Variants in SLIT1 observed in about 807,000 individuals in gnomAD.
SLIT1 encodes slit homolog 1 protein.
SLIT1 carries 66 observed loss-of-function variants against 186.1 expected under a neutral mutation model. The observed-to-expected ratio is 0.35, with a 90% CI of 0.29 to 0.44. SLIT1 has a LOEUF of 0.44. Ranked by LOEUF, SLIT1 falls within the 20% of genes least tolerant of loss-of-function variation. The pLI, the probability that SLIT1 is intolerant of heterozygous loss-of-function variation, is 1.00. For synonymous variants in SLIT1, 761 were observed against 833.8 expected (o/e 0.91, Z 1.50); for missense variants, 1,638 against 2,037.4 (o/e 0.80, Z 3.77).
At chr10:97,100,934 G>C (rs958082701) in intron 4 of SLIT1, among the ~76,000 whole-genome samples, 1 of 152,170 alleles carries the variant, frequency 6.6e-6, no homozygotes, top group Non-Finnish European at 1.5e-5. Flanking sequence ...CGGTGCAGAC[G>C]CAGGCCGGTT....
At chr10:97,048,017 A>G in intron 14 of SLIT1, 21 bp from the exon 15 acceptor site, 1 of 1,613,952 alleles carries the variant, frequency 6.2e-7, no homozygotes, top group Non-Finnish European at 8.5e-7. Flanking sequence ...AAGCAGAAAT[A>G]CCATAATGCA....
At chr10:97,173,017 A>C (rs1321588290) in intron 1 of SLIT1, among the ~76,000 whole-genome samples, 3 of 152,194 alleles carry the variant, frequency 2.0e-5, no homozygotes, top group Non-Finnish European at 4.4e-5. Flanking sequence ...ACATCACCCC[A>C]AAAAAGCTCC....
intron 28 of SLIT1, among the ~76,000 whole-genome samples, chr10:97,018,348 A>G (rs544629406): frequency 1.6e-4 from 24 of 152,334 alleles, no homozygotes; most frequent in African/African-American, 5.1e-4. Context: ...TGTGCGGCTT[A>G]GGTATCCACT....
At chr10:97,093,136 T>C (rs12782356) in intron 4 of SLIT1, among the ~76,000 whole-genome samples, 26,979 of 152,104 alleles carry the variant, frequency 0.18, 2,721 homozygotes, top group African/African-American at 0.28. Context: ...TGTAAGGTGG[T>C]GTGAGAAGAG....
At chr10:97,034,438 G>T in intron 23 of SLIT1, 33 bp downstream of exon 23, 1 of 1,567,628 alleles carries the variant, frequency 6.4e-7, no homozygotes, top group Non-Finnish European at 8.8e-7. Context: ...CCATGGCCCC[G>T]GGGCCCCCCA....
At chr10:97,008,505 G>A (rs994012625) in intron 31 of SLIT1, among the ~76,000 whole-genome samples, 2 of 152,140 alleles carry the variant, frequency 1.3e-5, no homozygotes, top group South Asian at 2.1e-4. Context: ...GACCAGCCTG[G>A]CTAACATGGT....
intron 4 of SLIT1, among the ~76,000 whole-genome samples, chr10:97,098,206 A>C (rs1849311422): frequency 6.6e-6 from 1 of 152,186 alleles, no homozygotes; most frequent in African/African-American, 2.4e-5. Flanking sequence ...AATCCTGAGA[A>C]AACAGTGACC....
At chr10:97,128,162 CTT>C (rs1564682499) in intron 4 of SLIT1, among the ~76,000 whole-genome samples, 2 of 152,136 alleles carry the variant, frequency 1.3e-5, no homozygotes, top group Non-Finnish European at 2.9e-5. Flanking sequence ...CCCTGGCCCT[CTT>C]CTCCCCTCCT....
chr10:97,041,305 C>T (rs139971296), intron 20 of SLIT1, among the ~76,000 whole-genome samples: 10 of 152,252 alleles, frequency 6.6e-5, no homozygotes, highest in East Asian at 5.8e-4. Context: ...TTCCAGATAG[C>T]GGTCCATCCT....
rs1268370434 is a variant in SLIT1, at chr10:97,040,115, C to T, written c.2170G>A (p.Glu724Lys). 5.1e-6 allele frequency: 8 copies of T among 1,573,756 alleles called. No individual in the cohort carries two copies. Among genetic ancestry groups the T allele is most frequent in the African/African-American group, 1.4e-5 (1 of 73,732 alleles). ...FPDFRCEEGQ[E>K]EGGCLPRPQC... Reference sequence around the variant, plus strand: ...GGGCGGGGCAGGCAGCCCCCCTCCTCCTGGCCTAGGGAAGAAGGCACGAAG... The same window carrying T: ...GGGCGGGGCAGGCAGCCCCCCTCCTTCTGGCCTAGGGAAGAAGGCACGAAG... The change falls in exon 21 of 37, where the codon GAG (glutamate) becomes AAG (lysine). Residue 724 changes from glutamate to lysine, a missense_variant. By Grantham distance (56) the Glu-to-Lys change is moderately conservative (BLOSUM62 1). Coordinates refer to ENST00000266058, the MANE Select transcript of SLIT1 (RefSeq NM_003061.3).
chr10:97,064,269 AC>A (rs1474198396), intron 6 of SLIT1, 30 bp from the exon 7 acceptor site: 1 of 1,589,816 alleles, frequency 6.3e-7, no homozygotes, highest in African/African-American at 1.3e-5. Flanking sequence ...GTCATTTAGC[AC>A]CTGCCCAGCA....
intron 4 of SLIT1, among the ~76,000 whole-genome samples, chr10:97,097,088 G>A (rs372904112): frequency 2.6e-5 from 4 of 152,194 alleles, no homozygotes; most frequent in East Asian, 3.9e-4. Context: ...CCCTGCCTCC[G>A]GGCTCCTCAC....
intron 3 of SLIT1, among the ~76,000 whole-genome samples, chr10:97,159,083 G>A (rs1487502645): frequency 6.6e-6 from 1 of 152,188 alleles, no homozygotes; most frequent in East Asian, 1.9e-4. Context: ...GGGTGTCTGA[G>A]GGGTCTTAGA....
intron 4 of SLIT1, among the ~76,000 whole-genome samples, chr10:97,156,866 C>A (rs1849958472): frequency 6.6e-6 from 1 of 152,108 alleles, no homozygotes; most frequent in African/African-American, 2.4e-5. Flanking sequence ...AGGGACGAAC[C>A]AGTAGTGCTG....
chr10:97,048,788 C>T (rs910589304), intron 14 of SLIT1, among the ~76,000 whole-genome samples, 167 bp downstream of exon 14: 1 of 151,778 alleles, frequency 6.6e-6, no homozygotes, highest in African/African-American at 2.4e-5. Context: ...GGTAGGTGAA[C>T]AGGTGGGTAG....
intron 8 of SLIT1, among the ~76,000 whole-genome samples, chr10:97,063,004 G>A (rs1026506210): frequency 1.3e-5 from 2 of 152,200 alleles, no homozygotes; most frequent in African/African-American, 4.8e-5. Flanking sequence ...TGTCAAGGCA[G>A]CAGAGGTGAG....
chr10:97,059,080 C>T (rs181485724), intron 11 of SLIT1, among the ~76,000 whole-genome samples: 2 of 152,196 alleles, frequency 1.3e-5, no homozygotes, highest in South Asian at 2.1e-4. Flanking sequence ...ACTGGCCCTG[C>T]GGTGACTGCA....
At chr10:97,085,729 T>C (rs1359493757) in intron 4 of SLIT1, among the ~76,000 whole-genome samples, 1 of 152,252 alleles carries the variant, frequency 6.6e-6, no homozygotes, top group Non-Finnish European at 1.5e-5. Flanking sequence ...TATGAAATTA[T>C]GTAATTAATA....
rs542547881 is a variant in SLIT1 at position 97,038,353 on chromosome 10, C to T, written c.2298-587G>A. ...TTCCTTGCACTCTCATGCCACCCGC[C>T]GACTGTGCACCACCACCCATGCCCG... On this transcript the variant is annotated intron_variant, in intron 21 of 36. Transcript: ENST00000266058. 1.2e-4 allele frequency among the ~76,000 whole-genome samples: 18 copies of T among 152,308 alleles called. No homozygotes were observed. The South Asian group carries it at 2.5e-3, about 21-fold the overall frequency.
Sources: allele counts gnomAD v4.1 joint callset (sites outside exome capture counted in the v4.1 genomes callset), GRCh38; gene constraint gnomAD v4.1.1; transcripts MANE v1.5; gene names NCBI Gene and HGNC (gene_info 2026-07-23, HGNC 2026-07-21).